Variants in DMXL2 observed in about 807,000 individuals in gnomAD.
The protein encoded by DMXL2 is Dmx like 2.
Under a neutral mutation model 331.1 loss-of-function variants are expected in DMXL2, and 103 were observed. The observed-to-expected ratio is 0.31, with a 90% confidence interval of 0.27 to 0.37. The LOEUF (loss-of-function observed/expected upper bound fraction) is 0.37, where lower values mean the gene tolerates loss of function less well. DMXL2 is among the 10% of genes least tolerant of loss of function. The pLI is 1.00. For synonymous variants in DMXL2, 1,281 were observed against 1,252.1 expected, an observed-to-expected ratio of 1.02 and a Z score of -0.49; for missense variants, 3,171 against 3,642.9, an observed-to-expected ratio of 0.87 and a Z score of 3.33.
chr15:51,480,791 T>G lies in DMXL2; in HGVS notation c.6315A>C (p.Val2105=). The G allele has an allele frequency of 6.2e-7, 1 of 1,607,252 alleles. No homozygotes were observed. The highest frequency in any genetic ancestry group is 8.5e-7 in the Non-Finnish European group (1 of 1,176,144). The change falls in exon 24 of 44, where the codon GTA becomes GTC. Residue 2105 remains valine, a synonymous_variant. Coordinates refer to ENST00000560891, the MANE Select transcript of DMXL2 (RefSeq NM_001378457.1). ...KEYSSKTYSK[V]ESDLLDQEEM... is the part of the protein sequence containing the mutation. ...CTTCCTGATCCAGCAGATCACTCTC[T>G]ACTTTGGAATATGTCTTACTGGAAT...
intron 27 of DMXL2, among the ~76,000 whole-genome samples, chr15:51,475,912 T>C (rs913244645): frequency 1.3e-5 from 2 of 152,068 alleles, no homozygotes; most frequent in African/African-American, 4.8e-5. Context: ...AGAGAAGAAA[T>C]GAATGACAAA....
chr15:51,482,323 ATAT>A (rs1456302165), intron 23 of DMXL2, among the ~76,000 whole-genome samples: 1 of 152,188 alleles, frequency 6.6e-6, no homozygotes, highest in African/African-American at 2.4e-5. Context: ...AAAAATATCT[ATAT>A]TATTATTCTG....
At chr15:51,565,242 T>G (rs1442974004) in intron 3 of DMXL2, 76 bp from the exon 4 acceptor site, 3 of 880,034 alleles carry the variant, frequency 3.4e-6, no homozygotes, top group Non-Finnish European at 5.1e-6. Context: ...ACACTACCAT[T>G]TTATCATTTT....
chr15:51,487,381 A>G (rs1279274861), intron 22 of DMXL2, among the ~76,000 whole-genome samples: 1 of 152,118 alleles, frequency 6.6e-6, no homozygotes, highest in Non-Finnish European at 1.5e-5. Context: ...GGAAGAAGAC[A>G]TTCATAAACT....
chr15:51,488,931 A>G (rs1364103923), intron 20 of DMXL2, among the ~76,000 whole-genome samples: 1 of 152,186 alleles, frequency 6.6e-6, no homozygotes, highest in Non-Finnish European at 1.5e-5. Context: ...ATCTTATTGC[A>G]TCACTACAAA....
chr15:51,505,304 G>A (rs1191719971), intron 16 of DMXL2, among the ~76,000 whole-genome samples: 2 of 152,212 alleles, frequency 1.3e-5, no homozygotes, highest in East Asian at 3.8e-4. Context: ...CTCATTGTCT[G>A]TGACCTACTG....
intron 6 of DMXL2, among the ~76,000 whole-genome samples, chr15:51,558,476 T>C (rs1354216453): frequency 6.6e-6 from 1 of 152,334 alleles, no homozygotes; most frequent in East Asian, 1.9e-4. Flanking sequence ...TATGATTTTG[T>C]CTCTAACAGA....
Position 51,619,779 on chromosome 15 carries a change from T to C in DMXL2, c.87+2680A>G, listed in dbSNP as rs541978730. ...TCATGAGTTAGTTGCAAGACAGTAG[T>C]TCCTTCTACACTATGTCTGGGAGGC... On this transcript the variant is annotated intron_variant, in intron 1 of 43. Coordinates refer to ENST00000560891, the MANE Select transcript of DMXL2 (RefSeq NM_001378457.1). Among the ~76,000 whole-genome samples the C allele has an allele frequency of 2.3e-3, 343 of 152,258 alleles. 1 individual carries two copies. Among genetic ancestry groups the C allele is most frequent in the South Asian group, 6.4e-3 (31 of 4,824 alleles).
At chr15:51,596,958 T>A (rs573781795) in intron 1 of DMXL2, among the ~76,000 whole-genome samples, 1 of 152,086 alleles carries the variant, frequency 6.6e-6, no homozygotes, top group Admixed American at 6.6e-5. Flanking sequence ...CATTAGGAGA[T>A]ATACCTAATG....
At chr15:51,461,843 A>ATCT (rs1290832210) in intron 33 of DMXL2, among the ~76,000 whole-genome samples, 6 of 152,132 alleles carry the variant, frequency 3.9e-5, no homozygotes, top group African/African-American at 1.4e-4. Flanking sequence ...CCTGGCTAAA[A>ATCT]TCTTTTATTT....
chr15:51,532,725 A>G (rs1175475578), intron 13 of DMXL2, among the ~76,000 whole-genome samples: 1 of 152,204 alleles, frequency 6.6e-6, no homozygotes, highest in Non-Finnish European at 1.5e-5. Flanking sequence ...GTAATGATCA[A>G]AGACTGAATG....
At chr15:51,610,625 G>A (rs960856601) in intron 1 of DMXL2, among the ~76,000 whole-genome samples, 13 of 152,118 alleles carry the variant, frequency 8.5e-5, no homozygotes, top group East Asian at 1.9e-4. Flanking sequence ...AAAATTAGCC[G>A]GGCATGGTGG....
In DMXL2 at chr15:51,563,582, TAAATA is replaced by T. The variant is rs918388344; in HGVS notation, c.501-140_501-136del. On this transcript the variant is annotated intron_variant, in intron 5 of 43. Transcript: ENST00000560891. ...GACTGTTTTTGCTTCCCTAAAAATA[TAAATA>T]AAATATTTCACCTCCATAAAAATGT... is the stretch of plus-strand genomic sequence containing the variant. The T allele has an allele frequency of 1.7e-4, 87 of 522,250 alleles. 1 individual carries two copies. Among genetic ancestry groups the T allele is most frequent in the Admixed American group, 1.0e-3 (25 of 24,040 alleles). 32.4% of individuals were successfully genotyped at this position (522,250 alleles called of 1,614,324 possible). A position where few individuals can be genotyped will look rare whatever the true frequency, so the allele number is the denominator to read the frequency against.
chr15:51,621,501 AG>A (rs2054623136), intron 1 of DMXL2, among the ~76,000 whole-genome samples: 1 of 152,220 alleles, frequency 6.6e-6, no homozygotes, highest in South Asian at 2.1e-4. Context: ...GTTCCTTATA[AG>A]GAAGACCATG....
intron 1 of DMXL2, among the ~76,000 whole-genome samples, chr15:51,606,814 C>T (rs1020376015): frequency 6.6e-6 from 1 of 152,022 alleles, no homozygotes; most frequent in African/African-American, 2.4e-5. Flanking sequence ...ATAGGATTTG[C>T]AAATTGATTA....
At chr15:51,619,832 G>A (rs770479442) in intron 1 of DMXL2, among the ~76,000 whole-genome samples, 3 of 151,928 alleles carry the variant, frequency 2.0e-5, no homozygotes, top group Non-Finnish European at 4.4e-5. Context: ...ACCCACCTAC[G>A]CACCCACACA....
intron 39 of DMXL2, 144 bp from the exon 40 acceptor site, chr15:51,455,372 C>A: frequency 1.4e-6 from 1 of 731,106 alleles, no homozygotes; most frequent in Non-Finnish European, 2.3e-6. Flanking sequence ...CCAAAAAGTC[C>A]AAGTGCTAAA....
rs2141436054 is a variant in DMXL2, at chr15:51,615,996, T to G, written c.87+6463A>C. Among the ~76,000 whole-genome samples, 3 of 152,348 alleles carry G rather than the reference T, an allele frequency of 2.0e-5. 1 individual carries two copies. In the Middle Eastern group the frequency reaches 0.01, roughly 518 times the overall value. Reference sequence around the variant, plus strand: ...TCACAAGAAGAAAACACTACTGATTTAGTACGAACCAATGGGTTTCTCCTA... The same window carrying G: ...TCACAAGAAGAAAACACTACTGATTGAGTACGAACCAATGGGTTTCTCCTA... On this transcript the variant is annotated intron_variant, in intron 1 of 43. Transcript: ENST00000560891.
intron 13 of DMXL2, among the ~76,000 whole-genome samples, chr15:51,526,803 G>T (rs1192595956): frequency 6.6e-6 from 1 of 152,124 alleles, no homozygotes; most frequent in Non-Finnish European, 1.5e-5. Flanking sequence ...AATTGATGAA[G>T]CAGAAGAAAT....
Sources: gnomAD v4.1 joint callset for allele counts (sites outside exome capture counted in the v4.1 genomes callset) on GRCh38, gnomAD v4.1.1 for gene constraint, MANE v1.5 for transcripts, NCBI Gene and HGNC (gene_info 2026-07-23, HGNC 2026-07-21) for gene names.